Variants in CKAP5 observed in about 807,000 individuals in gnomAD.
CKAP5 encodes the protein cytoskeleton associated protein 5.
Under a neutral mutation model 232.8 loss-of-function variants are expected in CKAP5, and 27 were observed. The ratio of observed to expected loss-of-function variants is 0.12; its 90% confidence interval spans 0.09 to 0.16. The LOEUF (loss-of-function observed/expected upper bound fraction) is 0.16, where lower values mean the gene tolerates loss of function less well. Among genes scored for constraint, CKAP5 ranks in the 10% least tolerant of loss-of-function variants. The probability of loss-of-function intolerance (pLI) is 1.00; values close to 1 mark genes in which losing one functional copy is unlikely to be tolerated. For synonymous variants in CKAP5, 785 were observed against 841.1 expected, an observed-to-expected ratio of 0.93 and a Z score of 1.16; for missense variants, 1,838 against 2,424.7, an observed-to-expected ratio of 0.76 and a Z score of 5.08.
chr11:46,770,433 A>AT (rs1491184022), intron 25 of CKAP5, among the ~76,000 whole-genome samples: 1 of 152,028 alleles, frequency 6.6e-6, no homozygotes, highest in Non-Finnish European at 1.5e-5. Context: ...TTCATGTTTA[A>AT]TATATATATA....
chr11:46,825,187 A>G (rs1172815493), intron 1 of CKAP5, among the ~76,000 whole-genome samples: 1 of 152,232 alleles, frequency 6.6e-6, no homozygotes, highest in African/African-American at 2.4e-5. Context: ...AACTTAGAAT[A>G]AATTCCAAAT....
At chr11:46,804,974 G>A (rs1456588858) in intron 8 of CKAP5, among the ~76,000 whole-genome samples, 1 of 151,760 alleles carries the variant, frequency 6.6e-6, no homozygotes, top group Non-Finnish European at 1.5e-5. Flanking sequence ...AGTGGCTCAC[G>A]CCTGTAATCC....
Position 46,818,494 on chromosome 11 carries a change from C to T in CKAP5, c.67G>A (p.Ala23Thr), listed in dbSNP as rs137915520. Residue 23 changes from alanine to threonine, a missense_variant, in exon 3 of 44, where the codon GCA becomes ACA. This residue lies in a region of CKAP5 where 285 missense variants were observed against 300.0 expected (regional missense o/e 0.95). Transcript: ENST00000529230. ...GCCTCTTCATACCCACTTAACCTTG[C>T]TTTCCACAGCTAAAAGAAAAGTAGT... ...DQKCEHKLWK[A>T]RLSGYEEALK... 1.3e-4 allele frequency: 197 copies of T among 1,559,480 alleles called. 1 individual carries two copies. Among genetic ancestry groups the T allele is most frequent in the Non-Finnish European group, 1.7e-4 (195 of 1,159,512 alleles).
At chr11:46,834,337 A>G (rs1466462899) in intron 1 of CKAP5, among the ~76,000 whole-genome samples, 3 of 151,806 alleles carry the variant, frequency 2.0e-5, no homozygotes, top group Admixed American at 2.0e-4. Context: ...TGGCCAACAT[A>G]GTGAAACCCT....
At position 46,783,285 on chromosome 11, in the gene CKAP5, A is replaced by C. The variant is rs752401999; in HGVS notation, c.2238T>G (p.Phe746Leu). The C allele has an allele frequency of 6.2e-7, 1 of 1,606,354 alleles. No individual in the cohort carries two copies. Among genetic ancestry groups the C allele is most frequent in the Non-Finnish European group, 8.5e-7 (1 of 1,174,784 alleles). Reference sequence around the variant, plus strand: ...TCGTTCTGACTTACCCAGAAAAACCAAATTCTTTTATGGCATTTGATAGCC... The same window carrying C: ...TCGTTCTGACTTACCCAGAAAAACCCAATTCTTTTATGGCATTTGATAGCC... ...LNWLSNAIKE[F>L]GFSGLNVKAF... Residue 746 changes from phenylalanine (F) to leucine (L), a missense_variant, in exon 18 of 44, where the codon TTT becomes TTG. Coordinates refer to ENST00000529230, the MANE Select transcript of CKAP5 (RefSeq NM_001008938.4).
chr11:46,781,417 A>G (rs1186353009), intron 18 of CKAP5, among the ~76,000 whole-genome samples: 1 of 22,450 alleles, frequency 4.5e-5, no homozygotes, highest in Non-Finnish European at 8.4e-5. Context: ...CAGAATATGA[A>G]CCTGTTACTC....
In CKAP5 at chr11:46,777,472, G is replaced by A. The variant is rs1400742092; in HGVS notation, c.2829C>T (p.Gly943=). The A allele has an allele frequency of 8.7e-6, 14 of 1,613,068 alleles. No homozygotes were observed. In the Admixed American group the frequency reaches 1.5e-4, roughly 17 times the overall value. ...PNIKQHVKNL[G]IPIITVLGDS... is the part of the protein sequence containing the mutation. The stretch of plus-strand genomic sequence containing the variant: ...CTCCAAGGACTGTGATGATAGGGAT[G>A]CCTAAATTTTTTACATGTTGCTTAA... The change falls in exon 23 of 44, where the codon GGC becomes GGT. Residue 943 remains glycine (G), a synonymous_variant. Transcript: ENST00000529230.
At chr11:46,769,073 C>T (rs183801773) in intron 26 of CKAP5, among the ~76,000 whole-genome samples, 103 of 152,206 alleles carry the variant, frequency 6.8e-4, no homozygotes, top group African/African-American at 2.4e-3. Context: ...GTATGCACCA[C>T]CACACCCAGC....
At position 46,770,951 on chromosome 11, in the gene CKAP5, G is replaced by A. The variant is rs144101441; in HGVS notation, c.3023C>T (p.Thr1008Ile). The change falls in exon 25 of 44, where the codon ACT (threonine) becomes ATT (isoleucine). Residue 1008 changes from threonine to isoleucine, a missense_variant. Physicochemically the swap from Thr to Ile is moderately conservative, Grantham distance 89. This residue lies in a region of CKAP5 where 767 missense variants were observed against 954.6 expected (regional missense o/e 0.80). Transcript: ENST00000529230. ...LLGWLAEKLP[T>I]LRSTPTDLIL... Reference sequence around the variant, plus strand: ...AAGGTCTGTAGGGGTGGAACGAAGAGTAGGTAGTTTCTCAGCCAGCCAGCC... The same window carrying A: ...AAGGTCTGTAGGGGTGGAACGAAGAATAGGTAGTTTCTCAGCCAGCCAGCC... The A allele has an allele frequency of 1.5e-4, 237 of 1,613,770 alleles. No individual in the cohort carries two copies. In the Middle Eastern group the frequency reaches 1.8e-3, roughly 12 times the overall value.
At chr11:46,749,704 A>G (rs2065048440) in intron 42 of CKAP5, among the ~76,000 whole-genome samples, 1 of 152,088 alleles carries the variant, frequency 6.6e-6, no homozygotes, top group Admixed American at 6.6e-5. Flanking sequence ...GCATCATCTC[A>G]GCACTTTGGG....
chr11:46,807,965 G>A, intron 8 of CKAP5, 66 bp downstream of exon 8: 2 of 1,088,374 alleles, frequency 1.8e-6, no homozygotes, highest in Non-Finnish European at 2.8e-6. Flanking sequence ...TTAAAAAGAT[G>A]ACTGATGAGA....
intron 11 of CKAP5, 71 bp downstream of exon 11, chr11:46,797,734 G>A (rs1299924913): frequency 1.4e-6 from 2 of 1,438,174 alleles, no homozygotes; most frequent in Non-Finnish European, 1.9e-6. Context: ...AGTAGTCACT[G>A]TACATAATTT....
At chr11:46,808,477 C>T (rs1939206100) in intron 7 of CKAP5, among the ~76,000 whole-genome samples, 1 of 152,054 alleles carries the variant, frequency 6.6e-6, no homozygotes, top group African/African-American at 2.4e-5. Flanking sequence ...GGAGGCGGAG[C>T]TTGCAGTGAG....
At position 46,770,883 on chromosome 11, in the gene CKAP5, T is replaced by G; in HGVS notation, c.3091A>C (p.Asn1031His). ...PHLYSCLEDR[N>H]GDVRKKAQDA... ...TGGGCCTTCTTTCGCACATCTCCATTTCGATCTTCTAGGCAGGAGTAGAGA... is the reference window on the plus strand; with the variant it reads ...TGGGCCTTCTTTCGCACATCTCCATGTCGATCTTCTAGGCAGGAGTAGAGA... The change falls in exon 25 of 44, where the codon AAT becomes CAT. Residue 1031 changes from asparagine to histidine, a missense_variant. By Grantham distance (68) the Asn-to-His change is moderately conservative. Transcript: ENST00000529230. The G allele has an allele frequency of 6.2e-7, 1 of 1,614,188 alleles. No individual in the cohort carries two copies. Among genetic ancestry groups the G allele is most frequent in the Middle Eastern group, 1.6e-4 (1 of 6,062 alleles).
At chr11:46,838,668 C>T (rs1039962762) in intron 1 of CKAP5, among the ~76,000 whole-genome samples, 8 of 147,320 alleles carry the variant, frequency 5.4e-5, no homozygotes, top group Admixed American at 3.4e-4. Context: ...TGGTGGCACT[C>T]GCCTGTAGTC....
chr11:46,768,159 A>C (rs937652757), intron 26 of CKAP5, among the ~76,000 whole-genome samples: 2 of 152,152 alleles, frequency 1.3e-5, no homozygotes, highest in Non-Finnish European at 2.9e-5. Flanking sequence ...AAATTAATTC[A>C]GAAAATCTGT....
intron 43 of CKAP5, 61 bp from the exon 44 acceptor site, chr11:46,744,326 A>T: frequency 6.2e-7 from 1 of 1,612,552 alleles, no homozygotes; most frequent in Non-Finnish European, 8.5e-7. Flanking sequence ...ATGCAGCTCC[A>T]GAACTACAGC....
chr11:46,790,385 T>C, intron 14 of CKAP5, 85 bp downstream of exon 14: 4 of 1,038,544 alleles, frequency 3.9e-6, no homozygotes, highest in East Asian at 2.4e-5. Flanking sequence ...CTGTACGTTG[T>C]AGAACCCAGC....
At position 46,814,754 on chromosome 11, in the gene CKAP5, G is replaced by A. The variant is rs1209747357; in HGVS notation, c.458+1444C>T. Among the ~76,000 whole-genome samples the A allele has an allele frequency of 2.0e-5, 3 of 152,182 alleles. No homozygotes were observed. The South Asian group carries it at 6.2e-4, about 31-fold the overall frequency. ...TGGCCAAACAAGAAAGTCTAGGGTTGAAAAGAACTTACTACATAAGAGCAA... is the reference window on the plus strand; with the variant it reads ...TGGCCAAACAAGAAAGTCTAGGGTTAAAAAGAACTTACTACATAAGAGCAA... On this transcript the variant is annotated intron_variant, in intron 4 of 43. Coordinates refer to ENST00000529230, the MANE Select transcript of CKAP5 (RefSeq NM_001008938.4).
Sources: gnomAD v4.1 joint callset for allele counts (sites outside exome capture counted in the v4.1 genomes callset) on GRCh38, gnomAD v4.1.1 for gene constraint, gnomAD v4.1.1 regional missense constraint, MANE v1.5 for transcripts, NCBI Gene and HGNC (gene_info 2026-07-23, HGNC 2026-07-21) for gene names.